PDE7A: variants seen among roughly 807,000 people sequenced by gnomAD.
PDE7A encodes high affinity 3',5'-cyclic-AMP phosphodiesterase 7A.
A neutral mutation model predicts 64.3 loss-of-function variants in PDE7A; 39 were observed. That is an observed-to-expected ratio of 0.61 (90% CI 0.47 to 0.79). PDE7A has a LOEUF of 0.79. Ranked by LOEUF, PDE7A falls within the 30% of genes least tolerant of loss-of-function variation. The pLI is 0.00. For missense variants in PDE7A, 470 were observed against 582.8 expected (o/e 0.81, Z 1.99); for synonymous variants, 203 against 206.8 (o/e 0.98, Z 0.16).
In PDE7A at chr8:65,727,185, C is replaced by T; in HGVS notation, c.813G>A (p.Leu271=). ...TTGCACTAACCTTGTATAAAGTTGC[C>T]AAGTAATGGTTAGTTTTAATAAGGA... is the stretch of plus-strand genomic sequence containing the variant. ...QPFLIKTNHY[L]ATLYKNTSVL... is the part of the protein sequence containing the mutation. The change falls in exon 8 of 13, where the codon TTG becomes TTA. Residue 271 remains leucine, a synonymous_variant. Transcript: ENST00000401827. 1 of 1,598,790 alleles carries T rather than the reference C, an allele frequency of 6.3e-7. No homozygotes were observed. Among genetic ancestry groups the T allele is most frequent in the Non-Finnish European group, 8.6e-7 (1 of 1,166,982 alleles).
intron 1 of PDE7A, among the ~76,000 whole-genome samples, chr8:65,839,894 A>G (rs531030448): frequency 6.6e-6 from 1 of 152,328 alleles, no homozygotes; most frequent in South Asian, 2.1e-4. Context: ...TTCATGTTTT[A>G]TAATTGTATA....
intron 3 of PDE7A, among the ~76,000 whole-genome samples, chr8:65,769,900 AAAAC>A (rs1415285092): frequency 6.6e-6 from 1 of 152,238 alleles, no homozygotes; most frequent in Non-Finnish European, 1.5e-5. Context: ...CTGTCTCAAA[AAAAC>A]AAAAACAAAA....
chr8:65,838,487 A>C (rs1811002120), intron 1 of PDE7A: 1 of 152,230 alleles, frequency 6.6e-6, no homozygotes, highest in African/African-American at 2.4e-5. Flanking sequence ...GCATCCTTGG[A>C]AGAGCTGGTG....
Position 65,726,935 on chromosome 8 carries a change from C to G in PDE7A, c.860G>C (p.Arg287Thr). 3.7e-6 allele frequency: 6 copies of G among 1,607,720 alleles called. No homozygotes were observed. The highest frequency in any genetic ancestry group is 5.1e-6 in the Non-Finnish European group (6 of 1,174,578). ...TTCTCTCAATAAGCCCACTGCAGAT[C>G]TCCAGTGGTGATTTTCCAGTACTGA... ...NTSVLENHHWRSAVGLLRESG... is the reference protein window; with the variant it reads ...NTSVLENHHWTSAVGLLRESG... Residue 287 changes from arginine to threonine, a missense_variant, in exon 9 of 13, where the codon AGA (arginine) becomes ACA (threonine). Coordinates refer to ENST00000401827, the MANE Select transcript of PDE7A (RefSeq NM_001242318.3).
chr8:65,757,086 G>A (rs1392503029), intron 3 of PDE7A, among the ~76,000 whole-genome samples: 2 of 152,102 alleles, frequency 1.3e-5, no homozygotes, highest in Admixed American at 1.3e-4. Flanking sequence ...GGTTTTTATG[G>A]AAGCTTCATA....
At chr8:65,725,737 G>A (rs2129066031) in intron 9 of PDE7A, 1 of 152,210 alleles carries the variant, frequency 6.6e-6, no homozygotes, top group East Asian at 1.9e-4. Flanking sequence ...ATTAAATAAT[G>A]CTATTAGGTA....
chr8:65,820,213 T>G lies in PDE7A; in HGVS notation c.138+21158A>C, dbSNP rs543357580. ...GAGTTCAAGACCAGCCTAGCCAACA[T>G]GGCAAAATCCTGTCTCTACTAAAAA... is the stretch of plus-strand genomic sequence containing the variant. On this transcript the variant is annotated intron_variant, in intron 1 of 12. Transcript: ENST00000401827. Among the ~76,000 whole-genome samples the G allele has an allele frequency of 1.1e-4, 16 of 152,312 alleles. No homozygotes were observed. The East Asian group carries it at 2.7e-3, about 26-fold the overall frequency.
At chr8:65,740,267 G>A (rs1283772411) in intron 5 of PDE7A, among the ~76,000 whole-genome samples, 3 of 152,076 alleles carry the variant, frequency 2.0e-5, no homozygotes, top group Non-Finnish European at 1.5e-5. Flanking sequence ...CAGTGAAATG[G>A]CTCTTTCACG....
intron 1 of PDE7A, among the ~76,000 whole-genome samples, chr8:65,805,362 G>A (rs1463141814): frequency 4.6e-5 from 7 of 152,258 alleles, no homozygotes; most frequent in Admixed American, 3.3e-4. Context: ...CTAAAGTGTT[G>A]AGCAGAAAAC....
At chr8:65,813,119 A>G (rs560064926) in intron 1 of PDE7A, among the ~76,000 whole-genome samples, 1 of 152,342 alleles carries the variant, frequency 6.6e-6, no homozygotes, top group East Asian at 1.9e-4. Flanking sequence ...AAAAACACAA[A>G]TAAAAATACA....
chr8:65,770,121 CTGTGTG>C (rs10608556), intron 3 of PDE7A, among the ~76,000 whole-genome samples: 6,702 of 146,480 alleles, frequency 0.046, 272 homozygotes, highest in African/African-American at 0.11. Context: ...CAGTATACTT[CTGTGTG>C]TGTGTGTGTG....
At chr8:65,742,560 A>G (rs1453725134) in intron 5 of PDE7A, among the ~76,000 whole-genome samples, 2 of 152,228 alleles carry the variant, frequency 1.3e-5, no homozygotes, top group Non-Finnish European at 2.9e-5. Context: ...AACACAAGAA[A>G]GCACTGGATC....
intron 7 of PDE7A, among the ~76,000 whole-genome samples, chr8:65,729,573 T>G (rs1161481599): frequency 6.6e-6 from 1 of 152,046 alleles, no homozygotes; most frequent in African/African-American, 2.4e-5. Context: ...GAAAACAGAT[T>G]CTATTTTTTT....
chr8:65,762,023 G>A (rs556327884), intron 3 of PDE7A, among the ~76,000 whole-genome samples: 21 of 152,288 alleles, frequency 1.4e-4, no homozygotes, highest in African/African-American at 3.4e-4. Flanking sequence ...AACAGTCCAC[G>A]AGAGGGAGCC....
chr8:65,719,878 G>T (rs1233678851), intron 12 of PDE7A: 1 of 243,224 alleles, frequency 4.1e-6, no homozygotes, highest in East Asian at 9.5e-5. Context: ...GGCTAAGAAG[G>T]GGTCTCCTTC....
intron 1 of PDE7A, 36 bp from the exon 2 acceptor site, chr8:65,782,879 T>C: frequency 8.6e-7 from 1 of 1,160,988 alleles, no homozygotes; most frequent in South Asian, 1.3e-5. Context: ...TACATGACAA[T>C]TAAATATGAT....
intron 1 of PDE7A, among the ~76,000 whole-genome samples, chr8:65,823,596 C>T (rs138290438): frequency 6.6e-6 from 1 of 152,206 alleles, no homozygotes; most frequent in South Asian, 2.1e-4. Flanking sequence ...CAGTTACACG[C>T]ATAAAAATTT....
chr8:65,750,874 G>C (rs535347781), intron 3 of PDE7A, among the ~76,000 whole-genome samples: 1 of 152,188 alleles, frequency 6.6e-6, no homozygotes, highest in South Asian at 2.1e-4. Flanking sequence ...GTTCTATTTT[G>C]ACCAAGTTAA....
intron 1 of PDE7A, among the ~76,000 whole-genome samples, chr8:65,815,959 T>G (rs537324825): frequency 6.6e-6 from 1 of 152,334 alleles, no homozygotes; most frequent in South Asian, 2.1e-4. Context: ...AAGCCTAAAG[T>G]GAAATCCAGT....
Sources: allele counts gnomAD v4.1 joint callset (sites outside exome capture counted in the v4.1 genomes callset), GRCh38; gene constraint gnomAD v4.1.1; transcripts MANE v1.5; gene names NCBI Gene and HGNC (gene_info 2026-07-23, HGNC 2026-07-21).